Variants in KIAA1328 observed in about 807,000 individuals in gnomAD.
KIAA1328 encodes the protein protein hinderin.
KIAA1328 carries 52 observed loss-of-function variants against 68.1 expected under a neutral mutation model. The ratio of observed to expected loss-of-function variants is 0.76; its 90% CI spans 0.61 to 0.96. The LOEUF (loss-of-function observed/expected upper bound fraction) is 0.96, where lower values mean the gene tolerates loss of function less well. Among genes scored for constraint, KIAA1328 ranks in the 40% least tolerant of loss-of-function variants. The pLI is 0.00. For missense variants in KIAA1328, 641 were observed against 677.6 expected, an observed-to-expected ratio of 0.95 and a Z score of 0.60; for synonymous variants, 232 against 239.4, an observed-to-expected ratio of 0.97 and a Z score of 0.28.
chr18:37,003,384 A>G (rs1213814734), intron 6 of KIAA1328, among the ~76,000 whole-genome samples: 4 of 152,146 alleles, frequency 2.6e-5, no homozygotes, highest in Non-Finnish European at 4.4e-5. Context: ...GAAGTAATCA[A>G]CAGAGTAATC....
At chr18:37,115,917 C>T (rs1343601998) in intron 7 of KIAA1328, among the ~76,000 whole-genome samples, 1 of 152,114 alleles carries the variant, frequency 6.6e-6, no homozygotes, top group Non-Finnish European at 1.5e-5. Context: ...ACAATTGCTT[C>T]AAAGAGAATA....
chr18:36,977,695 C>T (rs551635600), intron 6 of KIAA1328, among the ~76,000 whole-genome samples: 10 of 152,272 alleles, frequency 6.6e-5, no homozygotes, highest in African/African-American at 2.4e-4. Context: ...TCAGGGTTCT[C>T]AAGACAACCC....
intron 7 of KIAA1328, among the ~76,000 whole-genome samples, chr18:37,113,393 A>G (rs1051658272): frequency 2.6e-5 from 4 of 152,202 alleles, no homozygotes; most frequent in Admixed American, 2.0e-4. Flanking sequence ...CCAGAATTTC[A>G]TATCCAGCCA....
chr18:36,961,306 TG>T (rs928506295), intron 6 of KIAA1328, among the ~76,000 whole-genome samples: 8 of 152,084 alleles, frequency 5.3e-5, no homozygotes, highest in African/African-American at 1.9e-4. Context: ...CCAGCAAATA[TG>T]GGAATATGTG....
chr18:36,904,248 G>A (rs571057874), intron 5 of KIAA1328, among the ~76,000 whole-genome samples: 1 of 152,032 alleles, frequency 6.6e-6, no homozygotes, highest in East Asian at 1.9e-4. Context: ...TCCTGAAATT[G>A]TCAGAAGTGT....
At chr18:37,005,580 AACC>A (rs1252578750) in intron 6 of KIAA1328, among the ~76,000 whole-genome samples, 1 of 152,184 alleles carries the variant, frequency 6.6e-6, no homozygotes, top group African/African-American at 2.4e-5. Flanking sequence ...TTACTAATTG[AACC>A]ACTAATGCCA....
intron 9 of KIAA1328, among the ~76,000 whole-genome samples, chr18:37,178,283 C>T (rs1429634405): frequency 6.6e-6 from 1 of 152,132 alleles, no homozygotes; most frequent in Non-Finnish European, 1.5e-5. Context: ...CTAGATCCCA[C>T]ATACAAGTGA....
chr18:37,214,448 T>C (rs1199335154), intron 9 of KIAA1328, among the ~76,000 whole-genome samples: 1 of 152,206 alleles, frequency 6.6e-6, no homozygotes, highest in Non-Finnish European at 1.5e-5. Context: ...TTGTCAAAGA[T>C]CAGATGGTTG....
At chr18:36,970,332 A>G (rs78843161) in intron 6 of KIAA1328, among the ~76,000 whole-genome samples, 5 of 152,218 alleles carry the variant, frequency 3.3e-5, no homozygotes, top group Non-Finnish European at 5.9e-5. Flanking sequence ...ATTTATGACA[A>G]ACCCACAGCC....
At chr18:36,884,961 T>C (rs2048449457) in intron 4 of KIAA1328, among the ~76,000 whole-genome samples, 1 of 151,988 alleles carries the variant, frequency 6.6e-6, no homozygotes, top group African/African-American at 2.4e-5. Context: ...TCCATGTTTT[T>C]AACTTTATAA....
chr18:37,073,646 T>C (rs1599162041), intron 7 of KIAA1328, among the ~76,000 whole-genome samples: 1 of 152,304 alleles, frequency 6.6e-6, no homozygotes, highest in Middle Eastern at 3.4e-3. Context: ...AGCAAGTCCA[T>C]TGAGTTTTCA....
chr18:36,989,783 C>T (rs1176001765), intron 6 of KIAA1328, among the ~76,000 whole-genome samples: 2 of 152,094 alleles, frequency 1.3e-5, no homozygotes, highest in African/African-American at 4.8e-5. Context: ...CAAGCTCCGC[C>T]CCCCGGGTTC....
In KIAA1328 at chr18:36,941,002, G is replaced by T. The variant is rs2050690870; in HGVS notation, c.449-18306G>T. On this transcript the variant is annotated intron_variant, in intron 5 of 9. Transcript: ENST00000280020. ...TGCTCATTTTTCTTATGCGACTTTTGACCAATTCAGATTTTGAATGATAAG... is the reference window on the plus strand; with the variant it reads ...TGCTCATTTTTCTTATGCGACTTTTTACCAATTCAGATTTTGAATGATAAG... Among the ~76,000 whole-genome samples, 3 of 152,096 alleles carry T rather than the reference G, an allele frequency of 2.0e-5. No individual in the cohort carries two copies. In the South Asian group the frequency reaches 6.2e-4, roughly 32 times the overall value.
intron 7 of KIAA1328, among the ~76,000 whole-genome samples, chr18:37,152,811 T>G (rs1286166622): frequency 1.3e-5 from 2 of 152,116 alleles, no homozygotes; most frequent in African/African-American, 4.8e-5. Flanking sequence ...GGCTTCCCTT[T>G]TAACAAAAAG....
At chr18:36,920,994 T>C (rs1325863488) in intron 5 of KIAA1328, 3 of 152,242 alleles carry the variant, frequency 2.0e-5, no homozygotes, top group Non-Finnish European at 4.4e-5. Flanking sequence ...TTCCTTTCAC[T>C]GTGCTGTGGC....
downstream of KIAA1328, among the ~76,000 whole-genome samples, chr18:37,226,696 T>C (rs2060640519): frequency 6.7e-6 from 1 of 150,304 alleles, no homozygotes; most frequent in Non-Finnish European, 1.5e-5. Flanking sequence ...CATCAGTTGA[T>C]GGACATTTGG....
chr18:36,843,664 A>C (rs983529790), intron 3 of KIAA1328, among the ~76,000 whole-genome samples: 1 of 152,210 alleles, frequency 6.6e-6, no homozygotes, highest in Non-Finnish European at 1.5e-5. Flanking sequence ...AATACTTAAT[A>C]GCGTTGTTGT....
At chr18:36,832,478 A>G (rs528795586) in intron 1 of KIAA1328, among the ~76,000 whole-genome samples, 1 of 150,990 alleles carries the variant, frequency 6.6e-6, no homozygotes, top group Non-Finnish European at 1.5e-5. Context: ...AATCCCAGCT[A>G]CTCGGGAGGC....
intron 6 of KIAA1328, among the ~76,000 whole-genome samples, chr18:36,964,994 G>C (rs192076766): frequency 6.6e-6 from 1 of 151,278 alleles, no homozygotes; most frequent in African/African-American, 2.4e-5. Context: ...AAAAGTTGTC[G>C]TATTTCCTCA....
Sources: gnomAD v4.1 joint callset for allele counts (sites outside exome capture counted in the v4.1 genomes callset) on GRCh38, gnomAD v4.1.1 for gene constraint, MANE v1.5 for transcripts, NCBI Gene and HGNC (gene_info 2026-07-23, HGNC 2026-07-21) for gene names.